The following COLGALT1 variants were observed in gnomAD, a reference collection of about 807,000 sequenced individuals.
COLGALT1 encodes procollagen galactosyltransferase 1.
COLGALT1 carries 43 observed loss-of-function variants against 60.8 expected under a neutral mutation model. The observed-to-expected ratio is 0.71, with a 90% confidence interval of 0.55 to 0.91. The LOEUF (loss-of-function observed/expected upper bound fraction) is 0.91, where lower values mean the gene tolerates loss of function less well. Ranked by LOEUF, COLGALT1 falls within the 40% of genes least tolerant of loss-of-function variation. The pLI is 0.00. For missense variants in COLGALT1, 845 were observed against 880.0 expected, an observed-to-expected ratio of 0.96 and a Z score of 0.50; for synonymous variants, 369 against 374.2, an observed-to-expected ratio of 0.99 and a Z score of 0.16.
intron 3 of COLGALT1, among the ~76,000 whole-genome samples, chr19:17,564,565 C>T (rs1000950707): frequency 1.3e-5 from 2 of 151,448 alleles, no homozygotes; most frequent in East Asian, 1.9e-4. Context: ...TACAGGTGCC[C>T]GCCACCATGC....
In COLGALT1 at chr19:17,559,399, T is replaced by G; in HGVS notation, c.349T>G (p.Trp117Gly). 1 of 1,551,772 alleles carries G rather than the reference T, an allele frequency of 6.4e-7. No individual in the cohort carries two copies. The highest frequency in any genetic ancestry group is 8.7e-7 in the Non-Finnish European group (1 of 1,147,116). The change falls in exon 2 of 12, where the codon TGG becomes GGG. Residue 117 changes from tryptophan to glycine, a missense_variant. Physicochemically the swap from Trp to Gly is radical, Grantham distance 184 (BLOSUM62 -2). Transcript: ENST00000252599. ...AVKSLYHSVE[W>G]RPAEEPRSYP... ...GAAGAGTTTGTACCATTCCGTGGAG[T>G]GGCGGCCAGCAGAGGAGCCCAGGTG... is the stretch of plus-strand genomic sequence containing the variant.
chr19:17,568,102 T>A (rs1599784548), intron 4 of COLGALT1, among the ~76,000 whole-genome samples: 1 of 152,130 alleles, frequency 6.6e-6, no homozygotes, highest in East Asian at 1.9e-4. Flanking sequence ...TTGCCTAAAG[T>A]CACACAGCTA....
At chr19:17,580,101 T>C (rs995451713) in intron 10 of COLGALT1, 28 of 184,474 alleles carry the variant, frequency 1.5e-4, no homozygotes, top group Non-Finnish European at 3.0e-4. Context: ...TGGGCGTGGC[T>C]GAAGAGCATG....
chr19:17,562,499 C>T (rs8105371), intron 3 of COLGALT1, among the ~76,000 whole-genome samples: 28,680 of 151,922 alleles, frequency 0.19, 2,804 homozygotes, highest in Middle Eastern at 0.22. Context: ...CCTGTTTCTA[C>T]CAAAATATAA....
chr19:17,577,175 T>C lies in COLGALT1; in HGVS notation c.950-20T>C. On this transcript the variant is annotated intron_variant, in intron 6 of 11. Coordinates refer to ENST00000252599, the MANE Select transcript of COLGALT1 (RefSeq NM_024656.4). ...GGAGGCTCCTTACCCCAGCGACTCC[T>C]CAACGTCTGTGCCCCACAGTGAAGC... The C allele has an allele frequency of 6.2e-7, 1 of 1,612,300 alleles. No individual in the cohort carries two copies. The highest frequency in any genetic ancestry group is 8.5e-7 in the Non-Finnish European group (1 of 1,179,184).
At chr19:17,581,064 G>A in intron 11 of COLGALT1, 113 bp from the exon 12 acceptor site, 1 of 1,401,396 alleles carries the variant, frequency 7.1e-7, no homozygotes. Context: ...TGTATCCCCT[G>A]CACACTTACG....
chr19:17,557,388 G>C (rs906577877), intron 1 of COLGALT1, among the ~76,000 whole-genome samples: 1 of 151,748 alleles, frequency 6.6e-6, no homozygotes, highest in Non-Finnish European at 1.5e-5. Context: ...TGCAACCTCC[G>C]CCTCCGGGTT....
At chr19:17,572,936 G>A (rs563636706) in intron 6 of COLGALT1, among the ~76,000 whole-genome samples, 1 of 152,278 alleles carries the variant, frequency 6.6e-6, no homozygotes, top group African/African-American at 2.4e-5. Context: ...TGGAAGGGAC[G>A]TGAACCTGGG....
intron 3 of COLGALT1, among the ~76,000 whole-genome samples, chr19:17,562,414 G>A (rs1004146855): frequency 1.1e-4 from 16 of 152,102 alleles, no homozygotes; most frequent in Non-Finnish European, 4.4e-5. Flanking sequence ...TCTAAATTCA[G>A]TACTTTGAGT....
chr19:17,567,653 T>G (rs997783754), intron 4 of COLGALT1, 113 bp downstream of exon 4: 61 of 1,278,758 alleles, frequency 4.8e-5, no homozygotes, highest in Admixed American at 9.1e-5. Flanking sequence ...AAAATCATCA[T>G]GGAAGCTGGG....
intron 10 of COLGALT1, chr19:17,580,448 G>A: frequency 1.8e-6 from 1 of 556,668 alleles, no homozygotes; most frequent in Non-Finnish European, 3.2e-6. Flanking sequence ...GAGAACGTCT[G>A]CGTGATCCTG....
At chr19:17,569,290 G>GT (rs1325913300) in intron 5 of COLGALT1, among the ~76,000 whole-genome samples, 1 of 152,104 alleles carries the variant, frequency 6.6e-6, no homozygotes, top group Non-Finnish European at 1.5e-5. Flanking sequence ...GTGTAATTTT[G>GT]TCACGTGCAT....
At chr19:17,568,442 C>G (rs2076291930) in intron 4 of COLGALT1, 67 bp from the exon 5 acceptor site, 1 of 1,363,140 alleles carries the variant, frequency 7.3e-7, no homozygotes, top group African/African-American at 1.4e-5. Flanking sequence ...TCATGCCGCC[C>G]ACTATCACGG....
intron 5 of COLGALT1, among the ~76,000 whole-genome samples, chr19:17,569,226 T>C (rs531090816): frequency 6.6e-6 from 1 of 152,038 alleles, no homozygotes; most frequent in East Asian, 1.9e-4. Flanking sequence ...AAAAAATACC[T>C]ATTGATTGCA....
chr19:17,578,992 A>G (rs1367596621), intron 9 of COLGALT1, among the ~76,000 whole-genome samples: 2 of 151,952 alleles, frequency 1.3e-5, no homozygotes, highest in African/African-American at 4.8e-5. Flanking sequence ...CCTGGGCGAC[A>G]AGAGTGACAC....
chr19:17,571,688 A>G (rs1053450019), intron 5 of COLGALT1, among the ~76,000 whole-genome samples: 4 of 152,138 alleles, frequency 2.6e-5, no homozygotes, highest in Non-Finnish European at 5.9e-5. Flanking sequence ...ACTGAACTCC[A>G]GCCTGGGCGA....
At chr19:17,568,858 G>T in intron 5 of COLGALT1, 145 bp downstream of exon 5, 1 of 769,234 alleles carries the variant, frequency 1.3e-6, no homozygotes, top group Admixed American at 2.3e-5. Context: ...GTATCTAGGT[G>T]TTCAGATAAT....
chr19:17,568,473 A>G (rs772952841), intron 4 of COLGALT1, 36 bp from the exon 5 acceptor site: 60 of 1,569,208 alleles, frequency 3.8e-5, no homozygotes, highest in Non-Finnish European at 5.2e-5. Flanking sequence ...TCACCTTTCA[A>G]GACCCCTACG....
At chr19:17,569,456 G>T (rs78856053) in intron 5 of COLGALT1, among the ~76,000 whole-genome samples, 75 of 125,414 alleles carry the variant, frequency 6.0e-4, no homozygotes, top group African/African-American at 1.7e-3. Context: ...TTTTTTTTTT[G>T]AAGTAGAGTC....
Sources: gnomAD v4.1 joint callset for allele counts (sites outside exome capture counted in the v4.1 genomes callset) on GRCh38, gnomAD v4.1.1 for gene constraint, MANE v1.5 for transcripts, NCBI Gene and HGNC (gene_info 2026-07-23, HGNC 2026-07-21) for gene names.